CCND3: variants seen among roughly 807,000 people sequenced by gnomAD.
CCND3 encodes cyclin D3.
Under a neutral mutation model 28.7 loss-of-function variants are expected in CCND3, and 9 were observed. That is an observed-to-expected ratio of 0.31 (90% CI 0.19 to 0.55). The LOEUF (loss-of-function observed/expected upper bound fraction) is 0.55, where lower values mean the gene tolerates loss of function less well. Among genes scored for constraint, CCND3 ranks in the 20% least tolerant of loss-of-function variants. The pLI is 0.93. For synonymous variants in CCND3, 164 were observed against 163.9 expected (o/e 1.00, Z 0.00); for missense variants, 315 against 385.8 (o/e 0.82, Z 1.54).
At chr6:42,009,864 T>C (rs1763290358) in intron 1 of CCND3, among the ~76,000 whole-genome samples, 1 of 151,998 alleles carries the variant, frequency 6.6e-6, no homozygotes, top group East Asian at 1.9e-4. Flanking sequence ...ATTCTCAAAG[T>C]GTGGTCCCTA....
rs1014028013 is a variant in CCND3 at position 41,938,780 on chromosome 6, C to A, written c.415-1386G>T. ...GTCTAGCTAGAAGACCCAGGTTCTACACTCATCTGCTCAGTGCGATGCTGA... is the reference window on the plus strand; with the variant it reads ...GTCTAGCTAGAAGACCCAGGTTCTAAACTCATCTGCTCAGTGCGATGCTGA... On this transcript the variant is annotated intron_variant, in intron 2 of 4. Transcript: ENST00000372991. The surrounding 1 kb of genome is among the most constrained non-coding windows in gnomAD (Gnocchi z 4.6). 6.9e-6 allele frequency among the ~76,000 whole-genome samples: 1 copy of A among 144,468 alleles called. No individual in the cohort carries two copies. The highest frequency in any genetic ancestry group is 2.4e-5 in the African/African-American group (1 of 41,104). The allele number at this position is 144,468 out of a possible 152,430, so 94.8% of individuals were successfully genotyped here. A position where few individuals can be genotyped will look rare whatever the true frequency, so the allele number is the denominator to read the frequency against.
At chr6:41,984,639 C>T (rs1291313039) in intron 1 of CCND3, among the ~76,000 whole-genome samples, 1 of 152,214 alleles carries the variant, frequency 6.6e-6, no homozygotes, top group Non-Finnish European at 1.5e-5. Context: ...TGAGCCACCA[C>T]TCTCGGCGGG....
At chr6:42,025,294 G>T (rs1763842590) in intron 1 of CCND3, among the ~76,000 whole-genome samples, 1 of 152,176 alleles carries the variant, frequency 6.6e-6, no homozygotes, top group Admixed American at 6.5e-5. Context: ...AAGCCCCAGG[G>T]AGAAGTCTGA....
At chr6:42,000,092 A>C (rs4714538) in intron 1 of CCND3, among the ~76,000 whole-genome samples, 1 of 151,556 alleles carries the variant, frequency 6.6e-6, no homozygotes, top group African/African-American at 2.4e-5. Flanking sequence ...ATTCTTTTCA[A>C]GGTACAAATT....
chr6:41,987,765 G>T (rs1388818926), intron 1 of CCND3, among the ~76,000 whole-genome samples: 1 of 151,362 alleles, frequency 6.6e-6, no homozygotes, highest in Non-Finnish European at 1.5e-5. Flanking sequence ...GCCTCCCAAA[G>T]TGCTGGGATT....
chr6:42,040,496 C>T (rs1426280346), intron 1 of CCND3, among the ~76,000 whole-genome samples: 1 of 152,102 alleles, frequency 6.6e-6, no homozygotes, highest in Non-Finnish European at 1.5e-5. Flanking sequence ...GCTCTCAATA[C>T]AACCAGCTAT....
chr6:42,041,591 A>T (rs1764373565), intron 1 of CCND3, among the ~76,000 whole-genome samples: 1 of 152,172 alleles, frequency 6.6e-6, no homozygotes, highest in Non-Finnish European at 1.5e-5. Context: ...GGAAAGGAAA[A>T]GGCAGCCTTG....
intron 1 of CCND3, among the ~76,000 whole-genome samples, chr6:41,952,374 G>A (rs890753169): frequency 6.6e-6 from 1 of 152,178 alleles, no homozygotes; most frequent in Non-Finnish European, 1.5e-5. Context: ...CTGCGTTATT[G>A]TTAACCATGG....
At chr6:41,964,433 T>C (rs1294360846) in intron 1 of CCND3, among the ~76,000 whole-genome samples, 4 of 151,316 alleles carry the variant, frequency 2.6e-5, no homozygotes, top group Non-Finnish European at 5.9e-5. Context: ...TGTGTTTGTG[T>C]GTATGTGTGA....
At chr6:42,040,902 ATGTT>A (rs1207404161) in intron 1 of CCND3, among the ~76,000 whole-genome samples, 2 of 152,044 alleles carry the variant, frequency 1.3e-5, no homozygotes, top group Non-Finnish European at 2.9e-5. Flanking sequence ...CTCATAGAAT[ATGTT>A]TGTGAGGAAT....
At chr6:41,973,209 G>A (rs911425447) in intron 1 of CCND3, among the ~76,000 whole-genome samples, 13 of 152,064 alleles carry the variant, frequency 8.5e-5, no homozygotes, top group Admixed American at 5.2e-4. Context: ...TCTAACACCC[G>A]CACAATTCCT....
At chr6:42,005,842 C>G (rs941559035) in intron 1 of CCND3, among the ~76,000 whole-genome samples, 1 of 151,948 alleles carries the variant, frequency 6.6e-6, no homozygotes, top group Non-Finnish European at 1.5e-5. Context: ...CGCCACCATG[C>G]CTGGCTAATT....
chr6:42,014,774 T>C (rs919589143), intron 1 of CCND3, among the ~76,000 whole-genome samples: 18 of 152,214 alleles, frequency 1.2e-4, no homozygotes, highest in African/African-American at 4.3e-4. Flanking sequence ...GGTGACAGAC[T>C]AGAAGGAAAT....
intron 1 of CCND3, among the ~76,000 whole-genome samples, chr6:42,025,758 G>A (rs1169596318): frequency 6.6e-6 from 1 of 152,168 alleles, no homozygotes; most frequent in Non-Finnish European, 1.5e-5. Context: ...TGATGGCCTG[G>A]TCTCTCCTCC....
chr6:41,944,265 A>T (rs1776113074), upstream of CCND3, among the ~76,000 whole-genome samples: 1 of 152,128 alleles, frequency 6.6e-6, no homozygotes, highest in Non-Finnish European at 1.5e-5. Flanking sequence ...TGAGCCCAGG[A>T]GTTCAAGGCT....
At chr6:41,990,105 C>A (rs1233977382) in intron 1 of CCND3, among the ~76,000 whole-genome samples, 1 of 151,812 alleles carries the variant, frequency 6.6e-6, no homozygotes, top group Non-Finnish European at 1.5e-5. Context: ...AGTAAAGTTG[C>A]AGGATACAAA....
chr6:41,996,138 ATT>A (rs35969401), intron 1 of CCND3, among the ~76,000 whole-genome samples: 64 of 102,452 alleles, frequency 6.2e-4, no homozygotes, highest in South Asian at 2.8e-3. Context: ...ATATATATAT[ATT>A]TTTTTTGTTT....
intron 1 of CCND3, among the ~76,000 whole-genome samples, chr6:41,963,264 TC>T (rs1761771032): frequency 6.6e-6 from 1 of 152,086 alleles, no homozygotes; most frequent in East Asian, 1.9e-4. Flanking sequence ...AACTCAAATA[TC>T]ACCTCTGCAA....
At chr6:41,960,923 C>CTAAG (rs1761700180) in intron 1 of CCND3, among the ~76,000 whole-genome samples, 1 of 152,140 alleles carries the variant, frequency 6.6e-6, no homozygotes, top group Non-Finnish European at 1.5e-5. Flanking sequence ...CAGCTCTAGG[C>CTAAG]TAAGCTTCCT....
Sources: gnomAD v4.1 joint callset for allele counts (sites outside exome capture counted in the v4.1 genomes callset) on GRCh38, gnomAD v4.1.1 for gene constraint, Gnocchi (gnomAD v3.1) non-coding constraint, MANE v1.5 for transcripts, NCBI Gene and HGNC (gene_info 2026-07-23, HGNC 2026-07-21) for gene names.